The following ICE2 variants were observed in gnomAD, a reference collection of about 807,000 sequenced individuals.
ICE2 encodes little elongation complex subunit 2.
ICE2 carries 87 observed loss-of-function variants against 105.4 expected under a neutral mutation model. That is an observed-to-expected ratio of 0.83 (90% CI 0.69 to 0.99). ICE2 has a LOEUF of 0.99. Ranked by LOEUF, ICE2 falls within the 50% of genes least tolerant of loss-of-function variation. The pLI, the probability that ICE2 is intolerant of heterozygous loss-of-function variation, is 0.00. For missense variants in ICE2, 1,323 were observed against 1,146.7 expected (o/e 1.15, Z -2.22); for synonymous variants, 399 against 392.0 (o/e 1.02, Z -0.21).
chr15:60,447,935 G>A (rs1352072694), intron 11 of ICE2, 35 bp downstream of exon 11: 1 of 1,527,638 alleles, frequency 6.5e-7, no homozygotes, highest in Non-Finnish European at 9.0e-7. Context: ...GATTATTTAT[G>A]TGATCATATT....
In ICE2 at chr15:60,442,519, T is replaced by C. The variant is rs2141036548; in HGVS notation, c.2322A>G (p.Lys774=). ...CTCCATAACAAGCTTGATACTCTAC[T>C]TTTGGTAGTACATAAACTGGAAATT... ...RRQFPVYVLP[K]VEYQACYGVE... Residue 774 remains lysine, a synonymous_variant, in exon 12 of 16, where the codon AAA becomes AAG. Transcript: ENST00000261520. 1 of 1,582,448 alleles carries C rather than the reference T, an allele frequency of 6.3e-7. No individual in the cohort carries two copies. Among genetic ancestry groups the C allele is most frequent in the East Asian group, 2.3e-5 (1 of 43,512 alleles).
Position 60,428,459 on chromosome 15 carries a change from C to T in ICE2, c.2790G>A (p.Pro930=), listed in dbSNP as rs140396991. The T allele has an allele frequency of 1.3e-4, 215 of 1,613,708 alleles. No homozygotes were observed. Among genetic ancestry groups the T allele is most frequent in the African/African-American group, 1.2e-3 (91 of 74,964 alleles). Residue 930 remains proline (P), a synonymous_variant, in exon 15 of 16, where the codon CCG becomes CCA. Transcript: ENST00000261520. ...GTTGTGTTGTGGTATCCAGTGATTT[C>T]GGTGGAAAAGTACAAGGTATTCTTC... ...HHGRIPCTFP[P]KSLDTTTQQK...
At chr15:60,428,743 A>T in intron 14 of ICE2, 56 bp from the exon 15 acceptor site, 1 of 1,563,914 alleles carries the variant, frequency 6.4e-7, no homozygotes, top group Non-Finnish European at 8.7e-7. Context: ...TTTCAACATC[A>T]CTTTCTTAAT....
intron 12 of ICE2, 50 bp from the exon 13 acceptor site, chr15:60,436,277 A>AG (rs1491016802): frequency 1.0e-5 from 5 of 501,780 alleles, no homozygotes; most frequent in Non-Finnish European, 1.6e-5. Flanking sequence ...CAGTATTTAG[A>AG]AAAAAAAAAA....
intron 3 of ICE2, 49 bp downstream of exon 3, chr15:60,476,014 G>T: frequency 7.9e-7 from 1 of 1,265,396 alleles, no homozygotes; most frequent in Non-Finnish European, 1.1e-6. Context: ...TCAACTATCA[G>T]AAAAACGACC....
At chr15:60,442,608 T>C in intron 11 of ICE2, 63 bp from the exon 12 acceptor site, 2 of 1,315,872 alleles carry the variant, frequency 1.5e-6, no homozygotes, top group Non-Finnish European at 2.1e-6. Context: ...CAAATACATT[T>C]GCCTATACAG....
intron 3 of ICE2, among the ~76,000 whole-genome samples, chr15:60,471,852 G>C (rs1017483282): frequency 4.0e-5 from 6 of 151,660 alleles, no homozygotes; most frequent in African/African-American, 1.2e-4. Context: ...TTAAGTACTG[G>C]TTTGGTAGCT....
chr15:60,457,082 TC>T (rs2064147523), intron 5 of ICE2, among the ~76,000 whole-genome samples: 2 of 152,322 alleles, frequency 1.3e-5, no homozygotes, highest in East Asian at 3.9e-4. Context: ...CATGAAAATT[TC>T]AACACACTTT....
chr15:60,441,174 A>C (rs2063711891), intron 12 of ICE2: 1 of 152,156 alleles, frequency 6.6e-6, no homozygotes, highest in Non-Finnish European at 1.5e-5. Context: ...AGGTCTTTGG[A>C]GGAACATTGA....
At chr15:60,440,484 T>C (rs2063696175) in intron 12 of ICE2, 1 of 152,176 alleles carries the variant, frequency 6.6e-6, no homozygotes, top group African/African-American at 2.4e-5. Flanking sequence ...AACATGTTTA[T>C]AGCAAAGCAG....
intron 5 of ICE2, 146 bp downstream of exon 5, chr15:60,466,448 T>G: frequency 1.3e-6 from 1 of 785,816 alleles, no homozygotes; most frequent in East Asian, 2.7e-5. Flanking sequence ...TTCTACTATT[T>G]TAATGCATGA....
intron 11 of ICE2, among the ~76,000 whole-genome samples, chr15:60,444,296 A>G (rs2063778483): frequency 6.6e-6 from 1 of 152,162 alleles, no homozygotes; most frequent in Non-Finnish European, 1.5e-5. Context: ...TTCTTTGATA[A>G]AACTACTCTA....
intron 12 of ICE2, among the ~76,000 whole-genome samples, chr15:60,437,123 T>A (rs1444148635): frequency 2.0e-5 from 3 of 151,618 alleles, no homozygotes; most frequent in Middle Eastern, 3.2e-3. Context: ...GGCATGGTGG[T>A]GGGCACCTGT....
Position 60,428,421 on chromosome 15 carries a change from G to C in ICE2, c.2820+8C>G. ...CTAATGAACCTTTAATTTCAAAAAA[G>C]ATCTTACCTTTTGTTGTGTTGTGGT... On this transcript the variant is annotated splice_region_variant and intron_variant, in intron 15 of 15. Coordinates refer to ENST00000261520, the MANE Select transcript of ICE2 (RefSeq NM_024611.6). 1 of 1,608,040 alleles carries C rather than the reference G, an allele frequency of 6.2e-7. No homozygotes were observed.
At position 60,449,148 on chromosome 15, in the gene ICE2, T is replaced by C. The variant is rs755230900; in HGVS notation, c.1819A>G (p.Asn607Asp). The C allele has an allele frequency of 1.4e-5, 22 of 1,613,960 alleles. No individual in the cohort carries two copies. Among genetic ancestry groups the C allele is most frequent in the South Asian group, 1.2e-4 (11 of 91,082 alleles). Reference protein sequence around the residue: ...SNLSSRPASPNSSSGQASVGN... With the variant: ...SNLSSRPASPDSSSGQASVGN... ...ACAGAAGCCTGTCCTGAGGAAGAATTTGGACTAGCTGGTCTGGAACTTAAG... is the reference window on the plus strand; with the variant it reads ...ACAGAAGCCTGTCCTGAGGAAGAATCTGGACTAGCTGGTCTGGAACTTAAG... Residue 607 changes from asparagine to aspartate, a missense_variant, in exon 10 of 16, where the codon AAT (asparagine) becomes GAT (aspartate). By Grantham distance (23) the Asn-to-Asp change is conservative (BLOSUM62 1). Transcript: ENST00000261520.
Position 60,464,484 on chromosome 15 carries a change from G to A in ICE2, c.528+2110C>T, listed in dbSNP as rs372617956. ...ATCAGGGACACCCTCATTGATAGGTGACATCTGAACAGACAGAGACCTAAA... is the reference window on the plus strand; with the variant it reads ...ATCAGGGACACCCTCATTGATAGGTAACATCTGAACAGACAGAGACCTAAA... On this transcript the variant is annotated intron_variant, in intron 5 of 15. Transcript: ENST00000261520. 9.9e-5 allele frequency among the ~76,000 whole-genome samples: 15 copies of A among 152,276 alleles called. No homozygotes were observed. In the East Asian group the frequency reaches 2.5e-3, roughly 25 times the overall value.
chr15:60,438,406 GA>G (rs1231173745), intron 12 of ICE2: 1 of 152,058 alleles, frequency 6.6e-6, no homozygotes, highest in South Asian at 2.1e-4. Context: ...CAAATAATTA[GA>G]AACATTTTTA....
At position 60,420,936 on chromosome 15, in the gene ICE2, G is replaced by C. The variant is rs771962376; in HGVS notation, c.*2698C>G. ...CTGTATTAGGTGTTTATTACTTAAT[G>C]GTGAACAAAACAAATATGCCCCTGT... On this transcript the variant is annotated 3_prime_UTR_variant, in exon 16 of 16. Transcript: ENST00000261520. 1 of 150,916 alleles carries C rather than the reference G, an allele frequency of 6.6e-6. No individual in the cohort carries two copies. The highest frequency in any genetic ancestry group is 1.5e-5 in the Non-Finnish European group (1 of 67,392). The allele number at this position is 150,916 out of a possible 1,614,324, so 9.3% of individuals were successfully genotyped here.
intron 11 of ICE2, 22 bp from the exon 12 acceptor site, chr15:60,442,567 T>C (rs780754199): frequency 2.6e-5 from 41 of 1,548,970 alleles, no homozygotes; most frequent in Non-Finnish European, 3.5e-5. Flanking sequence ...AATTATACTT[T>C]TTCAAAGCTC....
Sources: gnomAD v4.1 joint callset for allele counts (sites outside exome capture counted in the v4.1 genomes callset) on GRCh38, gnomAD v4.1.1 for gene constraint, MANE v1.5 for transcripts, NCBI Gene and HGNC (gene_info 2026-07-23, HGNC 2026-07-21) for gene names.